PRELID2: variants seen among roughly 807,000 people sequenced by gnomAD.
PRELID2 encodes the protein PRELI domain-containing protein 2.
In PRELID2, 25 loss-of-function variants were observed where a neutral mutation model predicts 28.4. That is an observed-to-expected ratio of 0.88 (90% CI 0.64 to 1.23). The LOEUF is 1.23. Ranked by LOEUF, PRELID2 falls within the 50% of genes most tolerant of loss-of-function variation. PRELID2 has a pLI of 0.00. For missense variants in PRELID2, 201 were observed against 214.4 expected (o/e 0.94, Z 0.39); for synonymous variants, 76 against 71.6 (o/e 1.06, Z -0.31).
intron 1 of PRELID2, among the ~76,000 whole-genome samples, chr5:145,475,497 C>T (rs1302070956): frequency 6.6e-6 from 1 of 152,160 alleles, no homozygotes; most frequent in African/African-American, 2.4e-5. Context: ...TTTGCAAGAT[C>T]TCATTCTCAA....
Position 145,715,606 on chromosome 5 carries a change from C to A in PRELID2, n.70+49325G>T, listed in dbSNP as rs182239356. 3.4e-3 allele frequency among the ~76,000 whole-genome samples: 514 copies of A among 152,282 alleles called. 2 individuals carry two copies. The highest frequency in any genetic ancestry group is 6.1e-3 in the Non-Finnish European group (412 of 68,022). On this transcript the variant is annotated intron_variant and non_coding_transcript_variant, in intron 1 of 2. Transcript: ENST00000510259. ...TACAACCACCCACATGATTGGATGC[C>A]TGTCTTCTTCTCTGACCTCATTCTG...
chr5:145,697,564 A>G lies in PRELID2; in HGVS notation n.70+67367T>C, dbSNP rs114911620. ...TATGCTGCTTTTATGCTAGCAGAGT[A>G]GAGGTCAGTAGTGACAACAGAGACT... On this transcript the variant is annotated intron_variant and non_coding_transcript_variant, in intron 1 of 2. Transcript: ENST00000510259. Among the ~76,000 whole-genome samples the G allele has an allele frequency of 7.1e-3, 1,081 of 152,322 alleles. 16 individuals carry two copies. Among genetic ancestry groups the G allele is most frequent in the African/African-American group, 0.025 (1,032 of 41,582 alleles).
At position 145,579,865 on chromosome 5, in the gene PRELID2, C is replaced by T. The variant is rs148914505; in HGVS notation, n.71-106550G>A. ...TCTTATACTATCTCCCATTGGCTCC[C>T]CCAGTGTTTAAGGGCACAACCTTGC... On this transcript the variant is annotated intron_variant and non_coding_transcript_variant, in intron 1 of 2. Transcript: ENST00000510259. Among the ~76,000 whole-genome samples the T allele has an allele frequency of 5.1e-4, 77 of 152,074 alleles. No homozygotes were observed. In the East Asian group the frequency reaches 0.013, roughly 25 times the overall value.
chr5:145,778,668 G>A (rs2149791485), intron 5 of PRELID2, among the ~76,000 whole-genome samples: 1 of 152,316 alleles, frequency 6.6e-6, no homozygotes, highest in South Asian at 2.1e-4. Context: ...GGCAGCAGCT[G>A]GTGTGTCCAA....
chr5:145,421,287 G>C, the PRELID2 span, among the ~76,000 whole-genome samples: 30 of 147,772 alleles, frequency 2.0e-4, no homozygotes, highest in East Asian at 4.9e-3. Context: ...TCTATTGATT[G>C]GAATAGTTTC....
the PRELID2 span, among the ~76,000 whole-genome samples, chr5:145,312,170 A>G: frequency 8.8e-5 from 13 of 148,062 alleles, no homozygotes; most frequent in African/African-American, 3.2e-4. Flanking sequence ...ACATGATGAG[A>G]CTCTGTCTCT....
chr5:145,383,505 C>G, the PRELID2 span, among the ~76,000 whole-genome samples: 3 of 149,662 alleles, frequency 2.0e-5, no homozygotes, highest in African/African-American at 7.4e-5. Context: ...ATAGAGAAAC[C>G]AGAAATAAAC....
At chr5:145,382,277 T>C in the PRELID2 span, among the ~76,000 whole-genome samples, 1 of 151,982 alleles carries the variant, frequency 6.6e-6, no homozygotes, top group Non-Finnish European at 1.5e-5. Flanking sequence ...GTGAATAATG[T>C]TAAGCAGTCT....
At chr5:145,475,037 C>T (rs1205100554) in intron 1 of PRELID2, among the ~76,000 whole-genome samples, 1 of 152,132 alleles carries the variant, frequency 6.6e-6, no homozygotes, top group Admixed American at 6.6e-5. Context: ...TCTCTGGGTT[C>T]CTCCACATAG....
chr5:145,636,314 A>G (rs1320915704), intron 1 of PRELID2, among the ~76,000 whole-genome samples: 1 of 152,226 alleles, frequency 6.6e-6, no homozygotes, highest in East Asian at 1.9e-4. Flanking sequence ...CCATTCTGAT[A>G]TGCTGCTTCT....
At chr5:145,774,909 C>T (rs1242814338) in intron 5 of PRELID2, among the ~76,000 whole-genome samples, 2 of 152,092 alleles carry the variant, frequency 1.3e-5, no homozygotes, top group African/African-American at 4.8e-5. Flanking sequence ...AAGTTCAGCT[C>T]GGTTAAAAAA....
the PRELID2 span, among the ~76,000 whole-genome samples, chr5:145,290,789 A>T: frequency 6.6e-6 from 1 of 151,958 alleles, no homozygotes; most frequent in Non-Finnish European, 1.5e-5. Flanking sequence ...TATTTGGGAT[A>T]CAATATGTAA....
At chr5:145,321,705 TAAGCC>T in the PRELID2 span, among the ~76,000 whole-genome samples, 1 of 152,228 alleles carries the variant, frequency 6.6e-6, no homozygotes, top group African/African-American at 2.4e-5. Context: ...TTGGTAAAAC[TAAGCC>T]TTTCAAAGTT....
the PRELID2 span, among the ~76,000 whole-genome samples, chr5:145,441,367 C>G: frequency 2.0e-5 from 3 of 152,012 alleles, no homozygotes; most frequent in Admixed American, 6.6e-5. Flanking sequence ...AGATACTAAC[C>G]ATCAGCCATG....
intron 1 of PRELID2, among the ~76,000 whole-genome samples, chr5:145,604,183 T>G (rs1454966511): frequency 6.6e-6 from 1 of 152,110 alleles, no homozygotes; most frequent in African/African-American, 2.4e-5. Context: ...ATGTACAGAT[T>G]ATTTTATCAC....
At chr5:145,412,168 G>C in the PRELID2 span, among the ~76,000 whole-genome samples, 1 of 152,102 alleles carries the variant, frequency 6.6e-6, no homozygotes, top group South Asian at 2.1e-4. Flanking sequence ...TCCTCATTAC[G>C]TCCGCAACTT....
intron 1 of PRELID2, among the ~76,000 whole-genome samples, chr5:145,700,819 C>T (rs1755388728): frequency 6.6e-6 from 1 of 152,288 alleles, no homozygotes; most frequent in African/African-American, 2.4e-5. Flanking sequence ...CCTAATGTGG[C>T]AAAAGCAGTA....
At chr5:145,648,376 A>G (rs775922993) in intron 1 of PRELID2, among the ~76,000 whole-genome samples, 76 of 152,024 alleles carry the variant, frequency 5.0e-4, no homozygotes, top group Non-Finnish European at 1.8e-4. Flanking sequence ...GTCCATGCCT[A>G]TAAGACAAAA....
chr5:145,368,884 G>T, the PRELID2 span, among the ~76,000 whole-genome samples: 1 of 151,372 alleles, frequency 6.6e-6, no homozygotes, highest in South Asian at 2.1e-4. Flanking sequence ...GTTACGGAGG[G>T]GTTGTTACAT....
Sources: gnomAD v4.1 joint callset for allele counts (sites outside exome capture counted in the v4.1 genomes callset) on GRCh38, gnomAD v4.1.1 for gene constraint, MANE v1.5 for transcripts, NCBI Gene and HGNC (gene_info 2026-07-23, HGNC 2026-07-21) for gene names.